SCCPDH: variants seen among roughly 807,000 people sequenced by gnomAD.
The protein encoded by SCCPDH is saccharopine dehydrogenase (putative).
SCCPDH carries 34 observed loss-of-function variants against 51.5 expected under a neutral mutation model. The ratio of observed to expected loss-of-function variants is 0.66; its 90% CI spans 0.50 to 0.88. SCCPDH has a LOEUF of 0.88. SCCPDH is among the 40% of genes least tolerant of loss of function. The pLI, the probability that SCCPDH is intolerant of heterozygous loss-of-function variation, is 0.00. For synonymous variants in SCCPDH, 187 were observed against 191.3 expected, an observed-to-expected ratio of 0.98 and a Z score of 0.19; for missense variants, 464 against 527.1, an observed-to-expected ratio of 0.88 and a Z score of 1.17.
At chr1:246,726,197 T>C (rs976620221) in intron 1 of SCCPDH, among the ~76,000 whole-genome samples, 1 of 152,150 alleles carries the variant, frequency 6.6e-6, no homozygotes, top group Non-Finnish European at 1.5e-5. Flanking sequence ...AAACTCTCCA[T>C]CACCTACAAT....
intron 10 of SCCPDH, 89 bp downstream of exon 10, chr1:246,764,446 C>A: frequency 4.8e-6 from 3 of 624,340 alleles, no homozygotes; most frequent in Middle Eastern, 3.1e-4. Context: ...CTTTTTAAAG[C>A]TTAATTGTTT....
intron 3 of SCCPDH, among the ~76,000 whole-genome samples, chr1:246,737,895 A>T (rs555691831): frequency 3.0e-4 from 46 of 152,122 alleles, no homozygotes; most frequent in African/African-American, 9.6e-4. Context: ...CCCAGCCATA[A>T]TATCAAAACC....
chr1:246,744,034 T>G, intron 4 of SCCPDH, 42 bp from the exon 5 acceptor site: 1 of 1,179,524 alleles, frequency 8.5e-7, no homozygotes, highest in Non-Finnish European at 1.2e-6. Flanking sequence ...ATAATTTAGA[T>G]GTTATTTTAT....
intron 2 of SCCPDH, among the ~76,000 whole-genome samples, chr1:246,734,454 A>C (rs1668539499): frequency 6.6e-6 from 1 of 152,220 alleles, no homozygotes; most frequent in Non-Finnish European, 1.5e-5. Context: ...CTTGGGTCTT[A>C]CTGCCTTGAA....
At chr1:246,751,013 A>C (rs1028160025) in intron 5 of SCCPDH, among the ~76,000 whole-genome samples, 1 of 152,268 alleles carries the variant, frequency 6.6e-6, no homozygotes, top group Non-Finnish European at 1.5e-5. Flanking sequence ...CCCTTGACGC[A>C]GCTGGAACAA....
rs1401421620 is a variant in SCCPDH at position 246,724,587 on chromosome 1, G to A, written c.165G>A (p.Val55=). ...AGRSREKLQR[V]LEKAALKLGR... ...GCTCCCGGGAGAAGCTGCAGCGGGT[G>A]CTGGAGAAGGCGGCCCTGAAGCTGG... is the stretch of plus-strand genomic sequence containing the variant. Residue 55 remains valine, a synonymous_variant, in exon 1 of 12, where the codon GTG becomes GTA. Transcript: ENST00000366510. 2.6e-6 allele frequency: 4 copies of A among 1,509,860 alleles called. No homozygotes were observed. The highest frequency in any genetic ancestry group is 3.5e-6 in the Non-Finnish European group (4 of 1,132,444). 93.5% of individuals were successfully genotyped at this position (1,509,860 alleles called of 1,614,324 possible).
chr1:246,764,272 A>G lies in SCCPDH; in HGVS notation c.1017A>G (p.Thr339=), dbSNP rs774880815. The G allele has an allele frequency of 6.2e-6, 10 of 1,613,804 alleles. No homozygotes were observed. In the Admixed American group the frequency reaches 1.5e-4, roughly 24 times the overall value. The change falls in exon 10 of 12, where the codon ACA becomes ACG. Residue 339 remains threonine (T), a synonymous_variant. Transcript: ENST00000366510. ...TTGATGCTGCCTCATTCACGCTGAC[A>G]TTCTTTGGTCAAGGATACAGCCAAG... ...KQIDAASFTL[T]FFGQGYSQGT...
At chr1:246,735,508 T>C (rs77361804) in intron 2 of SCCPDH, among the ~76,000 whole-genome samples, 1,676 of 152,250 alleles carry the variant, frequency 0.011, 27 homozygotes, top group African/African-American at 0.039. Context: ...CTGTGAGAGA[T>C]GGTATTGTGC....
intron 10 of SCCPDH, 88 bp from the exon 11 acceptor site, chr1:246,765,970 G>C (rs1220828908): frequency 1.2e-6 from 1 of 845,772 alleles, no homozygotes; most frequent in Non-Finnish European, 1.9e-6. Flanking sequence ...CCTAGAGTAA[G>C]ATATAAAATC....
chr1:246,764,224 C>T, intron 9 of SCCPDH, 22 bp from the exon 10 acceptor site: 1 of 1,475,912 alleles, frequency 6.8e-7, no homozygotes, highest in East Asian at 2.3e-5. Flanking sequence ...ATGAAATGCG[C>T]CCTTTGCCTT....
chr1:246,751,813 G>A (rs983627491), intron 5 of SCCPDH, among the ~76,000 whole-genome samples: 8 of 136,008 alleles, frequency 5.9e-5, no homozygotes, highest in South Asian at 4.5e-4. Context: ...TCGCTCTGTC[G>A]CCCAGGCTGG....
intron 5 of SCCPDH, among the ~76,000 whole-genome samples, chr1:246,750,324 A>G (rs1185080647): frequency 6.6e-6 from 1 of 152,162 alleles, no homozygotes; most frequent in East Asian, 1.9e-4. Flanking sequence ...TTTCTGAGGA[A>G]CTGATCTTTT....
chr1:246,744,317 T>C (rs1028873487), intron 5 of SCCPDH, among the ~76,000 whole-genome samples, 192 bp downstream of exon 5: 3 of 151,788 alleles, frequency 2.0e-5, no homozygotes, highest in Non-Finnish European at 2.9e-5. Flanking sequence ...TATTTTATTT[T>C]ATTTATTTAT....
At chr1:246,759,510 T>A (rs1170550118) in intron 7 of SCCPDH, among the ~76,000 whole-genome samples, 1 of 152,224 alleles carries the variant, frequency 6.6e-6, no homozygotes, top group Admixed American at 6.5e-5. Flanking sequence ...TTGCCACGCC[T>A]GGAGTTCCAT....
chr1:246,746,702 A>C (rs948298282), intron 5 of SCCPDH, among the ~76,000 whole-genome samples: 4 of 152,152 alleles, frequency 2.6e-5, no homozygotes, highest in Non-Finnish European at 5.9e-5. Context: ...TTAGCCAGGC[A>C]TGGTGGCACA....
intron 3 of SCCPDH, among the ~76,000 whole-genome samples, chr1:246,738,389 T>A (rs550436127): frequency 1.4e-5 from 2 of 147,294 alleles, no homozygotes; most frequent in East Asian, 4.2e-4. Context: ...TGCACGCCTG[T>A]AGTCCCAGCT....
chr1:246,729,957 A>G (rs9662346), intron 2 of SCCPDH, among the ~76,000 whole-genome samples: 39,428 of 152,042 alleles, frequency 0.26, 5,301 homozygotes, highest in Admixed American at 0.35. Context: ...TATGTTTACA[A>G]TTACACATTA....
chr1:246,735,521 G>A (rs1385833489), intron 2 of SCCPDH, among the ~76,000 whole-genome samples: 1 of 152,102 alleles, frequency 6.6e-6, no homozygotes, highest in African/African-American at 2.4e-5. Context: ...TATTGTGCAG[G>A]TATCTTCTCA....
chr1:246,750,421 A>T (rs1479543003), intron 5 of SCCPDH, among the ~76,000 whole-genome samples: 1 of 152,158 alleles, frequency 6.6e-6, no homozygotes, highest in Non-Finnish European at 1.5e-5. Flanking sequence ...CATCTTTCCG[A>T]GGGGCAGTTC....
Sources: allele counts gnomAD v4.1 joint callset (sites outside exome capture counted in the v4.1 genomes callset), GRCh38; gene constraint gnomAD v4.1.1; transcripts MANE v1.5; gene names NCBI Gene and HGNC (gene_info 2026-07-23, HGNC 2026-07-21).